CLCNKB: variants seen among roughly 807,000 people sequenced by gnomAD.
The protein encoded by CLCNKB is chloride channel protein ClC-Kb.
Under a neutral mutation model 83.8 loss-of-function variants are expected in CLCNKB, and 74 were observed. The observed-to-expected ratio is 0.88, with a 90% CI of 0.73 to 1.07. The LOEUF is 1.07. CLCNKB is among the 50% of genes least tolerant of loss of function. The probability of loss-of-function intolerance (pLI) is 0.00; values close to 1 mark genes in which losing one functional copy is unlikely to be tolerated. For synonymous variants in CLCNKB, 358 were observed against 356.6 expected, an observed-to-expected ratio of 1.00 and a Z score of -0.04; for missense variants, 798 against 893.6, an observed-to-expected ratio of 0.89 and a Z score of 1.36.
At chr1:16,056,356 G>A (rs1286302428) in intron 18 of CLCNKB, 66 bp from the exon 19 acceptor site, 13 of 1,495,292 alleles carry the variant, frequency 8.7e-6, no homozygotes, top group Admixed American at 8.4e-5. Context: ...GAGGCGTGGT[G>A]GAGTGGGCTA....
intron 5 of CLCNKB, 104 bp downstream of exon 5, chr1:16,048,148 G>T: frequency 3.3e-6 from 5 of 1,497,844 alleles, no homozygotes; most frequent in Non-Finnish European, 4.5e-6. Flanking sequence ...ACTTGGGCTG[G>T]TCCCTGCCTT....
chr1:16,049,213 T>C lies in CLCNKB; in HGVS notation c.749T>C (p.Phe250Ser). Residue 250 changes from phenylalanine (F) to serine (S), a missense_variant, in exon 8 of 20, where the codon TTC becomes TCC. By Grantham distance (155) the Phe-to-Ser change is radical (BLOSUM62 -2). Coordinates refer to ENST00000375679, the MANE Select transcript of CLCNKB (RefSeq NM_000085.5). Reference sequence around the variant, plus strand: ...GCGGCCACCTGCGGGGCCTTCATGTTCCGGCTCCTGGCGGTCTTCAACAGC... The same window carrying C: ...GCGGCCACCTGCGGGGCCTTCATGTCCCGGCTCCTGGCGGTCTTCAACAGC... The part of the protein sequence containing the change: ...FFAATCGAFM[F>S]RLLAVFNSEQ... 3 of 1,613,808 alleles carry C rather than the reference T, an allele frequency of 1.9e-6. No homozygotes were observed. The highest frequency in any genetic ancestry group is 2.5e-6 in the Non-Finnish European group (3 of 1,179,980).
intron 12 of CLCNKB, among the ~76,000 whole-genome samples, 174 bp from the exon 13 acceptor site, chr1:16,051,304 C>T (rs2023282754): frequency 6.6e-6 from 1 of 152,272 alleles, no homozygotes; most frequent in South Asian, 2.1e-4. Flanking sequence ...CCAGGGCATA[C>T]AGTGGGCATT....
Position 16,053,661 on chromosome 1 carries a change from C to T in CLCNKB, c.1645C>T (p.His549Tyr), listed in dbSNP as rs1244605770. The part of the protein sequence containing the change: ...NIGSHRVRVE[H>Y]FMNHSITTLA... ...CAGTTCCCACCGCGTGAGGGTGGAG[C>T]ACTTCATGAACCACAGCATCACCAC... The change falls in exon 16 of 20, where the codon CAC becomes TAC. Residue 549 changes from histidine (H) to tyrosine (Y), a missense_variant. By Grantham distance (83) the His-to-Tyr change is moderately conservative. Transcript: ENST00000375679. 1 of 1,613,992 alleles carries T rather than the reference C, an allele frequency of 6.2e-7. No individual in the cohort carries two copies. Among genetic ancestry groups the T allele is most frequent in the African/African-American group, 1.3e-5 (1 of 75,016 alleles).
chr1:16,051,798 G>A lies in CLCNKB; in HGVS notation c.1386G>A (p.Met462Ile), dbSNP rs1479811622. 6.2e-7 allele frequency: 1 copy of A among 1,613,722 alleles called. No homozygotes were observed. Among genetic ancestry groups the A allele is most frequent in the Non-Finnish European group, 8.5e-7 (1 of 1,179,838 alleles). ...IVAGGITNPI[M>I]PGGYALAGAA... The stretch of plus-strand genomic sequence containing the variant: ...CTGGAGGGATCACCAATCCCATCAT[G>A]CCAGGGGGGTATGCTCTGGCAGGTG... The change falls in exon 14 of 20, where the codon ATG becomes ATA. Residue 462 changes from methionine to isoleucine, a missense_variant. Met to Ile is a conservative substitution (Grantham distance 10). Transcript: ENST00000375679.
At chr1:16,047,876 C>T in intron 4 of CLCNKB, 29 bp from the exon 5 acceptor site, 1 of 1,611,808 alleles carries the variant, frequency 6.2e-7, no homozygotes, top group Non-Finnish European at 8.5e-7. Context: ...GAGATTGTCC[C>T]CCTCCTGGCC....
rs1163683248 is a variant in CLCNKB at position 16,045,643 on chromosome 1, G to C, written c.186G>C (p.Leu62=). Residue 62 remains leucine (L), a synonymous_variant, in exon 3 of 20, where the codon CTG becomes CTC. Coordinates refer to ENST00000375679, the MANE Select transcript of CLCNKB (RefSeq NM_000085.5). Reference sequence around the variant, plus strand: ...TGACCCTCGGGGTGCTCATGGCCCTGGTCAGCTGTGCCATGGACTTGGCTG... The same window carrying C: ...TGACCCTCGGGGTGCTCATGGCCCTCGTCAGCTGTGCCATGGACTTGGCTG... ...FLMTLGVLMA[L]VSCAMDLAVE... 6.2e-6 allele frequency: 10 copies of C among 1,613,946 alleles called. No individual in the cohort carries two copies. In the African/African-American group the frequency reaches 1.3e-4, roughly 22 times the overall value.
rs746767761 is a variant in CLCNKB, at chr1:16,044,590, G to A, written c.98G>A (p.Arg33Gln). ...GPCPRIRRGI[R>Q]GGLEWLKQKL... ...TGTCCCCGCATCCGCCGAGGCATCC[G>A]AGGTGAGAGCCAGGTCCTCTTCCCT... The change falls in exon 2 of 20, where the codon CGA becomes CAA. Residue 33 changes from arginine to glutamine, a missense_variant and splice_region_variant. Arg to Gln is a conservative substitution (Grantham distance 43). Transcript: ENST00000375679. The A allele has an allele frequency of 1.3e-5, 21 of 1,597,272 alleles. No homozygotes were observed. The highest frequency in any genetic ancestry group is 1.2e-4 in the Admixed American group (7 of 56,706).
In CLCNKB at chr1:16,055,562, G is replaced by A. The variant is rs1167116995; in HGVS notation, c.1845+39G>A. The A allele has an allele frequency of 3.4e-6, 5 of 1,487,198 alleles. No individual in the cohort carries two copies. The South Asian group carries it at 4.6e-5, about 14-fold the overall frequency. 92.1% of individuals were successfully genotyped at this position (1,487,198 alleles called of 1,614,324 possible). ...AGGGGCATGGGGATGGGGCGGGGGT[G>A]GGTCAGCAGGAATGGGAGGAGAGGG... On this transcript the variant is annotated intron_variant, in intron 17 of 19. Coordinates refer to ENST00000375679, the MANE Select transcript of CLCNKB (RefSeq NM_000085.5).
At chr1:16,044,411 C>A in intron 1 of CLCNKB, 75 bp from the exon 2 acceptor site, 1 of 1,143,986 alleles carries the variant, frequency 8.7e-7, no homozygotes, top group Non-Finnish European at 1.3e-6. Context: ...GTGGGGAGAG[C>A]ACTGGAAGGG....
intron 18 of CLCNKB, among the ~76,000 whole-genome samples, chr1:16,056,207 G>A (rs1386544220): frequency 6.6e-6 from 1 of 152,110 alleles, no homozygotes; most frequent in African/African-American, 2.4e-5. Flanking sequence ...GAGGGTGCTG[G>A]ATATTAGGTC....
rs776418657 is a variant in CLCNKB, at chr1:16,053,589, G to T, written c.1623-50G>T. ...CCCCACAGATCCCCCTGCCAGCCTG[G>T]GTCTCACATCCCTGACTGTGGGGCC... On this transcript the variant is annotated intron_variant, in intron 15 of 19. Coordinates refer to ENST00000375679, the MANE Select transcript of CLCNKB (RefSeq NM_000085.5). The T allele has an allele frequency of 2.5e-6, 4 of 1,613,236 alleles. No homozygotes were observed. In the African/African-American group the frequency reaches 5.3e-5, roughly 22 times the overall value.
At chr1:16,048,734 A>C (rs1570333304) in intron 7 of CLCNKB, 152 bp downstream of exon 7, 14 of 1,431,162 alleles carry the variant, frequency 9.8e-6, no homozygotes, top group Admixed American at 2.6e-5. Flanking sequence ...ACCGCCCCCC[A>C]CCGGGGGGAG....
chr1:16,052,166 C>A, intron 14 of CLCNKB, 32 bp from the exon 15 acceptor site: 1 of 1,612,068 alleles, frequency 6.2e-7, no homozygotes, highest in Non-Finnish European at 8.5e-7. Flanking sequence ...GGCCCCTGGC[C>A]TGAGCTGCCC....
In CLCNKB at chr1:16,046,575, G is replaced by T. The variant is rs752352309; in HGVS notation, c.270G>T (p.Leu90=). ...WLYREIGDSH[L]LRYLSWTVYP... is the part of the protein sequence containing the mutation. ...ACAGGGAGATTGGGGACAGCCACCT[G>T]CTCCGGTATCTCTCCTGGACTGTGT... Residue 90 remains leucine (L), a synonymous_variant, in exon 4 of 20, where the codon CTG becomes CTT. Coordinates refer to ENST00000375679, the MANE Select transcript of CLCNKB (RefSeq NM_000085.5). 6.2e-7 allele frequency: 1 copy of T among 1,613,998 alleles called. No individual in the cohort carries two copies. The highest frequency in any genetic ancestry group is 8.5e-7 in the Non-Finnish European group (1 of 1,180,030).
At chr1:16,048,746 G>T (rs1229775323) in intron 7 of CLCNKB, 164 bp downstream of exon 7, 16 of 1,476,324 alleles carry the variant, frequency 1.1e-5, no homozygotes, top group South Asian at 1.4e-5. Context: ...CGGGGGGAGG[G>T]GGGGCGGGTG....
At position 16,052,200 on chromosome 1, in the gene CLCNKB, G is replaced by A; in HGVS notation, c.1411G>A (p.Ala471Thr). 1 of 1,612,944 alleles carries A rather than the reference G, an allele frequency of 6.2e-7. No homozygotes were observed. The highest frequency in any genetic ancestry group is 8.5e-7 in the Non-Finnish European group (1 of 1,179,944). ...IMPGGYALAG[A>T]AAFSGAVTHT... ...CCTGCCTGACTCTGCCCTTGCAGGG[G>A]CTGCAGCCTTCTCAGGGGCTGTGAC... The change falls in exon 15 of 20, where the codon GCT becomes ACT. Residue 471 changes from alanine (A) to threonine (T), a missense_variant and splice_region_variant. Physicochemically the swap from Ala to Thr is moderately conservative, Grantham distance 58. Transcript: ENST00000375679.
At position 16,046,676 on chromosome 1, in the gene CLCNKB, T is replaced by G; in HGVS notation, c.358+13T>G. On this transcript the variant is annotated intron_variant, in intron 4 of 19. Transcript: ENST00000375679. ...CCCTCCTCTGGAGGTGAGTCCACAG[T>G]CGCTACGCCAGTCCCCACTGGCCAA... 1 of 1,610,026 alleles carries G rather than the reference T, an allele frequency of 6.2e-7. No homozygotes were observed. The highest frequency in any genetic ancestry group is 8.5e-7 in the Non-Finnish European group (1 of 1,178,744).
chr1:16,048,283 C>G, intron 5 of CLCNKB, 60 bp from the exon 6 acceptor site: 3 of 1,599,896 alleles, frequency 1.9e-6, no homozygotes, highest in African/African-American at 1.3e-5. Flanking sequence ...CGTGCTGACT[C>G]TGGGTGAGAC....
Sources: gnomAD v4.1 joint callset for allele counts (sites outside exome capture counted in the v4.1 genomes callset) on GRCh38, gnomAD v4.1.1 for gene constraint, MANE v1.5 for transcripts, NCBI Gene and HGNC (gene_info 2026-07-23, HGNC 2026-07-21) for gene names.